Variants in RGS6 observed in about 807,000 individuals in gnomAD.
RGS6 encodes regulator of G-protein signaling 6.
RGS6 carries 30 observed loss-of-function variants against 78.5 expected under a neutral mutation model. That is an observed-to-expected ratio of 0.38 (90% confidence interval 0.29 to 0.52). The LOEUF is 0.52. RGS6 is among the 20% of genes least tolerant of loss of function. The pLI, the probability that RGS6 is intolerant of heterozygous loss-of-function variation, is 0.85. For missense variants in RGS6, 495 were observed against 609.7 expected, an observed-to-expected ratio of 0.81 and a Z score of 1.98; for synonymous variants, 206 against 206.0, an observed-to-expected ratio of 1.00 and a Z score of 0.00.
chr14:71,941,977 C>T (rs1423341018), intron 1 of RGS6, among the ~76,000 whole-genome samples: 2 of 152,148 alleles, frequency 1.3e-5, no homozygotes, highest in African/African-American at 4.8e-5. Flanking sequence ...TCTTTGCAGC[C>T]ATCCATCCAG....
chr14:72,198,195 T>C (rs1386026981), intron 2 of RGS6, among the ~76,000 whole-genome samples: 1 of 152,020 alleles, frequency 6.6e-6, no homozygotes, highest in Non-Finnish European at 1.5e-5. Flanking sequence ...ACCCCATCTC[T>C]ACAAAAAATA....
intron 3 of RGS6, among the ~76,000 whole-genome samples, chr14:72,397,472 A>G (rs1350814322): frequency 2.0e-5 from 3 of 151,814 alleles, no homozygotes; most frequent in African/African-American, 7.3e-5. Flanking sequence ...GGTTTTCTAG[A>G]TATACAATCA....
the RGS6 span, among the ~76,000 whole-genome samples, chr14:71,925,210 G>A: frequency 5.1e-4 from 77 of 152,080 alleles, no homozygotes; most frequent in Non-Finnish European, 8.2e-4. Flanking sequence ...CCATTTTTAC[G>A]TCTTTTAAAA....
At chr14:72,351,632 C>T (rs761551013) in intron 2 of RGS6, among the ~76,000 whole-genome samples, 1 of 152,268 alleles carries the variant, frequency 6.6e-6, no homozygotes, top group East Asian at 1.9e-4. Context: ...GTAGCCCTGT[C>T]TGCAATTCCC....
At chr14:71,878,460 C>T in the RGS6 span, among the ~76,000 whole-genome samples, 2 of 152,176 alleles carry the variant, frequency 1.3e-5, no homozygotes, top group African/African-American at 4.8e-5. Context: ...GGCAAGGCTC[C>T]ATGGGCGTGG....
intron 12 of RGS6, among the ~76,000 whole-genome samples, chr14:72,482,795 T>C (rs1405562538): frequency 1.3e-5 from 2 of 152,220 alleles, no homozygotes; most frequent in African/African-American, 4.8e-5. Flanking sequence ...TTTTATTGGC[T>C]AAAACAAGTC....
At chr14:72,305,612 T>G (rs1040075201) in intron 2 of RGS6, among the ~76,000 whole-genome samples, 2 of 152,232 alleles carry the variant, frequency 1.3e-5, no homozygotes, top group South Asian at 4.1e-4. Flanking sequence ...GAACCACACC[T>G]GTATAAGATG....
the RGS6 span, among the ~76,000 whole-genome samples, chr14:71,887,745 AG>A: frequency 6.6e-6 from 1 of 152,208 alleles, no homozygotes; most frequent in South Asian, 2.1e-4. Flanking sequence ...TGCTGAACAT[AG>A]ACCCTTATCA....
intron 1 of RGS6, among the ~76,000 whole-genome samples, chr14:71,937,885 G>T (rs1417842978): frequency 6.6e-6 from 1 of 152,206 alleles, no homozygotes; most frequent in Non-Finnish European, 1.5e-5. Flanking sequence ...CACCCTGAGG[G>T]ATAGTGCCAT....
At chr14:72,571,256 TA>T (rs1484506906), downstream of RGS6, among the ~76,000 whole-genome samples, 1 of 152,210 alleles carries the variant, frequency 6.6e-6, no homozygotes, top group African/African-American at 2.4e-5. Context: ...GGGCAAGGAT[TA>T]AAGACTAGGG....
intron 3 of RGS6, among the ~76,000 whole-genome samples, chr14:72,383,886 A>T (rs1428205506): frequency 6.6e-6 from 1 of 152,210 alleles, no homozygotes; most frequent in African/African-American, 2.4e-5. Flanking sequence ...TGCAATTCTA[A>T]ACAGTGTTAG....
intron 2 of RGS6, among the ~76,000 whole-genome samples, chr14:72,007,290 A>G (rs1203825768): frequency 3.3e-5 from 5 of 152,182 alleles, no homozygotes; most frequent in Admixed American, 6.5e-5. Context: ...GTGATGCTAA[A>G]ATTAAGAAAT....
the RGS6 span, among the ~76,000 whole-genome samples, chr14:72,604,068 G>C: frequency 6.6e-6 from 1 of 152,180 alleles, no homozygotes; most frequent in African/African-American, 2.4e-5. Flanking sequence ...CAAAGTGGAA[G>C]ACTAGTTGCT....
chr14:72,494,065 G>C (rs1055926087), intron 12 of RGS6, among the ~76,000 whole-genome samples: 18 of 152,154 alleles, frequency 1.2e-4, no homozygotes, highest in Admixed American at 1.2e-3. Flanking sequence ...ATCCAGTTTC[G>C]AGCAAGAAGA....
At chr14:71,932,413 C>G (rs1320746292), upstream of RGS6, 1 of 151,576 alleles carries the variant, frequency 6.6e-6, no homozygotes, top group African/African-American at 2.4e-5. Context: ...TGCAGCAGCT[C>G]GCGGGCCGCG....
intron 3 of RGS6, among the ~76,000 whole-genome samples, chr14:72,372,392 T>C (rs6574069): frequency 0.25 from 37,294 of 152,118 alleles, 5,392 homozygotes; most frequent in East Asian, 0.48. Context: ...ATGACACCAT[T>C]TTCTAGATCC....
intron 1 of RGS6, among the ~76,000 whole-genome samples, chr14:71,958,668 A>G (rs1283780399): frequency 6.7e-6 from 1 of 148,686 alleles, no homozygotes; most frequent in South Asian, 2.1e-4. Flanking sequence ...GAGCCCCCCC[A>G]TTAGCATGTC....
chr14:72,562,241 T>A (rs1003091845), intron 17 of RGS6, among the ~76,000 whole-genome samples, 176 bp from the exon 18 acceptor site: 2 of 152,222 alleles, frequency 1.3e-5, no homozygotes, highest in African/African-American at 4.8e-5. Flanking sequence ...TTTCTCCAGC[T>A]GTCCAAAGTT....
At chr14:72,454,404 C>G (rs1248151371) in intron 3 of RGS6, 124 bp from the exon 4 acceptor site, 11 of 954,424 alleles carry the variant, frequency 1.2e-5, no homozygotes, top group African/African-American at 1.1e-4. Flanking sequence ...AAAAAAGTGC[C>G]CATATTATCC....
Sources: allele counts gnomAD v4.1 joint callset (sites outside exome capture counted in the v4.1 genomes callset), GRCh38; gene constraint gnomAD v4.1.1; transcripts MANE v1.5; gene names NCBI Gene and HGNC (gene_info 2026-07-23, HGNC 2026-07-21).